Variants in ZNF496 observed in about 807,000 individuals in gnomAD.
ZNF496 encodes the protein NSD1 (nuclear receptor binding SET-domain containing 1)-interacting zinc finger protein 1.
Under a neutral mutation model 58.9 loss-of-function variants are expected in ZNF496, and 11 were observed. The observed-to-expected ratio is 0.19, with a 90% CI of 0.12 to 0.31. The LOEUF (loss-of-function observed/expected upper bound fraction) is 0.31. Among genes scored for constraint, ZNF496 ranks in the 10% least tolerant of loss-of-function variants. The probability of loss-of-function intolerance (pLI) is 1.00; values close to 1 mark genes in which losing one functional copy is unlikely to be tolerated. For missense variants in ZNF496, 660 were observed against 783.0 expected (o/e 0.84, Z 1.88); for synonymous variants, 338 against 318.2 (o/e 1.06, Z -0.66).
At chr1:247,305,897 TAA>T (rs61241439) in intron 9 of ZNF496, among the ~76,000 whole-genome samples, 1 of 152,226 alleles carries the variant, frequency 6.6e-6, no homozygotes, top group East Asian at 1.9e-4. Flanking sequence ...CTAGGCAACA[TAA>T]AGAGACCCCA....
intron 9 of ZNF496, 51 bp from the exon 10 acceptor site, chr1:247,301,327 GC>G: frequency 7.4e-6 from 11 of 1,485,740 alleles, no homozygotes; most frequent in Non-Finnish European, 8.9e-6. Context: ...CCACATCCCA[GC>G]CCCTATGACC....
chr1:247,307,965 T>C (rs768287449), intron 9 of ZNF496: 215 of 985,312 alleles, frequency 2.2e-4, no homozygotes, highest in Non-Finnish European at 2.6e-4. Flanking sequence ...AGCTTCAGTA[T>C]GCCAGAAACC....
Position 247,308,405 on chromosome 1 carries a change from C to CA in ZNF496, c.1006+69dup. ...ACAACCATCCCCTATGCCACACATGCATACATACATTCATGCGACACACCA... is the reference window on the plus strand; with the variant it reads ...ACAACCATCCCCTATGCCACACATGCAATACATACATTCATGCGACACACCA... On this transcript the variant is annotated intron_variant, in intron 9 of 9. Transcript: ENST00000682384. The surrounding 1 kb of genome is among the most constrained non-coding windows in gnomAD (Gnocchi z 4.5). 7.4e-7 allele frequency: 1 copy of CA among 1,357,810 alleles called. No individual in the cohort carries two copies. Among genetic ancestry groups the CA allele is most frequent in the Non-Finnish European group, 1.1e-6 (1 of 949,524 alleles). The allele number at this position is 1,357,810 out of a possible 1,614,324, so 84.1% of individuals were successfully genotyped here.
chr1:247,321,437 T>C (rs1659960462), intron 6 of ZNF496, among the ~76,000 whole-genome samples: 2 of 152,154 alleles, frequency 1.3e-5, no homozygotes, highest in African/African-American at 4.8e-5. Flanking sequence ...TTCTACAGAT[T>C]GGGTGTACAA....
Position 247,329,271 on chromosome 1 carries a change from C to T in ZNF496, c.308G>A (p.Arg103Gln), listed in dbSNP as rs1485651429. 4.3e-6 allele frequency: 7 copies of T among 1,613,570 alleles called. No individual in the cohort carries two copies. The highest frequency in any genetic ancestry group is 2.2e-5 in the East Asian group (1 of 44,884). ...CTCTCCGCTCTCAGGCTCCTGCGCC[C>T]GCACCCAGCTCTGGATCTCCCGGGG... is the stretch of plus-strand genomic sequence containing the variant. ...ILPREIQSWV[R>Q]AQEPESGEQA... is the part of the protein sequence containing the mutation. The change falls in exon 4 of 10, where the codon CGG becomes CAG. Residue 103 changes from arginine to glutamine, a missense_variant. Physicochemically the swap from Arg to Gln is conservative, Grantham distance 43. Coordinates refer to ENST00000682384, the MANE Select transcript of ZNF496 (RefSeq NM_032752.3). This position sits in a 1 kb window ranked among gnomAD's most constrained non-coding sequence, Gnocchi z 5.5.
chr1:247,321,111 G>A (rs1572088839), intron 6 of ZNF496, among the ~76,000 whole-genome samples: 2 of 152,146 alleles, frequency 1.3e-5, no homozygotes, highest in East Asian at 1.9e-4. Flanking sequence ...GGGATGCGGA[G>A]GTTGCGATGA....
Position 247,309,828 on chromosome 1 carries a change from G to T in ZNF496, c.785-22C>A. 1 of 1,612,482 alleles carries T rather than the reference G, an allele frequency of 6.2e-7. No individual in the cohort carries two copies. The highest frequency in any genetic ancestry group is 1.1e-5 in the South Asian group (1 of 90,976). Reference sequence around the variant, plus strand: ...TCGTCTGTTCAAAGAAAAAGGCAGGGTACATGTTTATTAGTAATCTGATCC... The same window carrying T: ...TCGTCTGTTCAAAGAAAAAGGCAGGTTACATGTTTATTAGTAATCTGATCC... On this transcript the variant is annotated intron_variant, in intron 7 of 9. Transcript: ENST00000682384. This position sits in a 1 kb window ranked among gnomAD's most constrained non-coding sequence, Gnocchi z 4.3.
chr1:247,325,907 G>A (rs1660104023), intron 5 of ZNF496, among the ~76,000 whole-genome samples: 1 of 151,890 alleles, frequency 6.6e-6, no homozygotes, highest in African/African-American at 2.4e-5. Context: ...GGGTAACCTG[G>A]CTAACTCCTT....
chr1:247,328,721 A>C lies in ZNF496; in HGVS notation c.536T>G (p.Leu179Arg). The change falls in exon 5 of 10, where the codon CTC (leucine) becomes CGC (arginine). Residue 179 changes from leucine (L) to arginine (R), a missense_variant. Coordinates refer to ENST00000682384, the MANE Select transcript of ZNF496 (RefSeq NM_032752.3). The part of the protein sequence containing the change: ...QPITLAQCLG[L>R]PSRPPSQLSG... The stretch of plus-strand genomic sequence containing the variant: ...GAGCTGGCTTGGTGGTCTGCTTGGG[A>C]GCCCCAGGCACTGTGCCAGGGTTAT... The C allele has an allele frequency of 6.2e-7, 1 of 1,606,594 alleles. No individual in the cohort carries two copies. Among genetic ancestry groups the C allele is most frequent in the Non-Finnish European group, 8.5e-7 (1 of 1,176,288 alleles).
At chr1:247,328,212 C>T (rs1231007340) in intron 5 of ZNF496, among the ~76,000 whole-genome samples, 1 of 152,202 alleles carries the variant, frequency 6.6e-6, no homozygotes, top group Admixed American at 6.5e-5. Context: ...TAGACACCAC[C>T]CTGTGTCCTC....
chr1:247,310,080 G>A (rs1659544538), intron 7 of ZNF496: 1 of 1,429,884 alleles, frequency 7.0e-7, no homozygotes, highest in Admixed American at 2.9e-5. Flanking sequence ...TGGACATACA[G>A]CACATGTTCT....
chr1:247,326,267 G>A (rs1660125981), intron 5 of ZNF496, among the ~76,000 whole-genome samples: 1 of 151,816 alleles, frequency 6.6e-6, no homozygotes, highest in Admixed American at 6.6e-5. Flanking sequence ...TCTAGCTTTT[G>A]GGGAAGATCT....
At chr1:247,313,868 T>C (rs1312080469) in intron 6 of ZNF496, 1 of 152,164 alleles carries the variant, frequency 6.6e-6, no homozygotes, top group East Asian at 1.9e-4. Flanking sequence ...AAGTGTGTTG[T>C]TGCAGGAAAA....
rs759899778 is a variant in ZNF496 at position 247,301,157 on chromosome 1, C to G, written c.1126G>C (p.Gly376Arg). ...QHGPYCTEEL[G>R]SPTEKQRSLP... ...CTGCGCTGCTTCTCTGTGGGGCTCC[C>G]CAGCTCTTCTGTGCAGTACGGGCCA... is the stretch of plus-strand genomic sequence containing the variant. The change falls in exon 10 of 10, where the codon GGG (glycine) becomes CGG (arginine). Residue 376 changes from glycine to arginine, a missense_variant. Physicochemically the swap from Gly to Arg is moderately radical, Grantham distance 125. Coordinates refer to ENST00000682384, the MANE Select transcript of ZNF496 (RefSeq NM_032752.3). 1 of 1,613,106 alleles carries G rather than the reference C, an allele frequency of 6.2e-7. No individual in the cohort carries two copies. The highest frequency in any genetic ancestry group is 2.2e-5 in the East Asian group (1 of 44,860).
chr1:247,317,570 G>GCCCCCC (rs74163749), intron 6 of ZNF496, among the ~76,000 whole-genome samples: 4 of 150,386 alleles, frequency 2.7e-5, no homozygotes, highest in African/African-American at 9.9e-5. Flanking sequence ...CTAAGAACAA[G>GCCCCCC]CCCCCCCCCC....
chr1:247,305,600 G>A (rs368859893), intron 9 of ZNF496, among the ~76,000 whole-genome samples: 2 of 152,338 alleles, frequency 1.3e-5, no homozygotes, highest in South Asian at 2.1e-4. Flanking sequence ...GACTTCCTGC[G>A]AGCTGAGGGG....
intron 9 of ZNF496, among the ~76,000 whole-genome samples, chr1:247,304,978 G>A (rs1218614673): frequency 6.6e-6 from 1 of 152,146 alleles, no homozygotes; most frequent in Non-Finnish European, 1.5e-5. Flanking sequence ...TTGTGCATGT[G>A]GGAAAGACAT....
At position 247,309,794 on chromosome 1, in the gene ZNF496, G is replaced by A. The variant is rs774618088; in HGVS notation, c.797C>T (p.Ala266Val). 2.3e-5 allele frequency: 37 copies of A among 1,614,072 alleles called. No individual in the cohort carries two copies. In the South Asian group the frequency reaches 4.1e-4, roughly 18 times the overall value. The change falls in exon 8 of 10, where the codon GCC becomes GTC. Residue 266 changes from alanine (A) to valine (V), a missense_variant. Ala to Val is a moderately conservative substitution (Grantham distance 64). Coordinates refer to ENST00000682384, the MANE Select transcript of ZNF496 (RefSeq NM_032752.3). This position sits in a 1 kb window ranked among gnomAD's most constrained non-coding sequence, Gnocchi z 4.3. ...GVSMPPNDLAAQPDLSQGEEN... is the reference protein window; with the variant it reads ...GVSMPPNDLAVQPDLSQGEEN... ...CTCTCCCTGGGAGAGATCTGGCTGG[G>A]CAGCTAGGTCGTCTGTTCAAAGAAA...
rs1405653429 is a variant in ZNF496 at position 247,329,435 on chromosome 1, G to T, written c.144C>A (p.Phe48Leu). The T allele has an allele frequency of 1.2e-6, 2 of 1,613,184 alleles. No individual in the cohort carries two copies. The highest frequency in any genetic ancestry group is 1.1e-5 in the South Asian group (1 of 91,018). Residue 48 changes from phenylalanine (F) to leucine (L), a missense_variant, in exon 4 of 10, where the codon TTC becomes TTA. Physicochemically the swap from Phe to Leu is conservative, Grantham distance 22 (BLOSUM62 0). Coordinates refer to ENST00000682384, the MANE Select transcript of ZNF496 (RefSeq NM_032752.3). This position sits in a 1 kb window ranked among gnomAD's most constrained non-coding sequence, Gnocchi z 5.5. ...GGGGGCCCGCCGCCTCCTGGTAGCG[G>T]AAACGGCGGAAGAGACGCCGAGAGG... is the stretch of plus-strand genomic sequence containing the variant. The part of the protein sequence containing the change: ...PESSRRLFRR[F>L]RYQEAAGPRE...
Sources: gnomAD v4.1 joint callset for allele counts (sites outside exome capture counted in the v4.1 genomes callset) on GRCh38, gnomAD v4.1.1 for gene constraint, Gnocchi (gnomAD v3.1) non-coding constraint, MANE v1.5 for transcripts, NCBI Gene and HGNC (gene_info 2026-07-23, HGNC 2026-07-21) for gene names.